PNPLA1: variants seen among roughly 807,000 people sequenced by gnomAD.
The protein encoded by PNPLA1 is omega-hydroxyceramide transacylase.
A neutral mutation model predicts 51.7 loss-of-function variants in PNPLA1; 36 were observed. The observed-to-expected ratio is 0.70, with a 90% confidence interval of 0.53 to 0.92. The LOEUF (loss-of-function observed/expected upper bound fraction) is 0.92. PNPLA1 is among the 40% of genes least tolerant of loss of function. The probability of loss-of-function intolerance (pLI) is 0.00; values close to 1 mark genes in which losing one functional copy is unlikely to be tolerated. For synonymous variants in PNPLA1, 293 were observed against 280.1 expected (o/e 1.05, Z -0.46); for missense variants, 658 against 682.5 (o/e 0.96, Z 0.40).
intron 8 of PNPLA1, chr6:36,308,193 A>G (rs1379678327): frequency 6.5e-6 from 1 of 152,698 alleles, no homozygotes; most frequent in Admixed American, 6.5e-5. Context: ...CCTGACCAAC[A>G]TGGTGAAACT....
chr6:36,277,650 G>A (rs1770147325), intron 1 of PNPLA1, among the ~76,000 whole-genome samples: 2 of 152,186 alleles, frequency 1.3e-5, no homozygotes, highest in South Asian at 2.1e-4. Flanking sequence ...AATTGCTTAA[G>A]GCCAAGAGTT....
At chr6:36,289,161 A>G (rs980358185) in intron 1 of PNPLA1, among the ~76,000 whole-genome samples, 20 of 152,212 alleles carry the variant, frequency 1.3e-4, no homozygotes, top group Non-Finnish European at 2.2e-4. Context: ...AAGTTTTTCC[A>G]CAATAAGCAT....
At chr6:36,272,782 C>G (rs1769959738) in intron 1 of PNPLA1, among the ~76,000 whole-genome samples, 1 of 152,292 alleles carries the variant, frequency 6.6e-6, no homozygotes, top group East Asian at 1.9e-4. Flanking sequence ...AGGGTGCCTT[C>G]CTGGCTGGGG....
chr6:36,270,719 C>A (rs533901704), intron 1 of PNPLA1, 55 bp downstream of exon 1: 2 of 1,534,406 alleles, frequency 1.3e-6, no homozygotes, highest in Admixed American at 2.0e-5. Flanking sequence ...TCCACAGAGA[C>A]AGAAGGAGCG....
chr6:36,296,372 C>T (rs538418984), intron 5 of PNPLA1, among the ~76,000 whole-genome samples: 2 of 152,352 alleles, frequency 1.3e-5, no homozygotes, highest in East Asian at 3.9e-4. Flanking sequence ...CCTAATGTTA[C>T]ATCAGAAGCA....
chr6:36,277,414 T>A (rs1770139494), intron 1 of PNPLA1, among the ~76,000 whole-genome samples: 1 of 152,200 alleles, frequency 6.6e-6, no homozygotes, highest in Non-Finnish European at 1.5e-5. Flanking sequence ...TGGGAGGCCA[T>A]GTGGCCAGCT....
rs1421516847 is a variant in PNPLA1 at position 36,294,169 on chromosome 6, T to C, written c.505-21T>C. 1 of 1,613,004 alleles carries C rather than the reference T, an allele frequency of 6.2e-7. No individual in the cohort carries two copies. The highest frequency in any genetic ancestry group is 8.5e-7 in the Non-Finnish European group (1 of 1,179,360). On this transcript the variant is annotated intron_variant, in intron 3 of 8. Transcript: ENST00000636260. This position sits in a 1 kb window ranked among gnomAD's most constrained non-coding sequence, Gnocchi z 4.2. ...TGAGAACTCTGGCCCCAAGTGGGCA[T>C]TTCTCACTCTGCCCCCACAGAGGTA...
intron 1 of PNPLA1, among the ~76,000 whole-genome samples, chr6:36,264,397 T>TA (rs1467422225): frequency 3.9e-5 from 6 of 152,166 alleles, no homozygotes; most frequent in South Asian, 2.1e-4. Context: ...TAACACCAAG[T>TA]AAAAACAGCA....
At chr6:36,305,833 ACT>A (rs1771216313) in intron 6 of PNPLA1, among the ~76,000 whole-genome samples, 1 of 129,106 alleles carries the variant, frequency 7.7e-6, no homozygotes, top group Non-Finnish European at 1.5e-5. Context: ...GGCTCACTGC[ACT>A]CTCAACTTTT....
In PNPLA1 at chr6:36,302,245, C is replaced by T; in HGVS notation, c.1160C>T (p.Ser387Leu). Reference protein sequence around the residue: ...VHKPPSSTPGSSLPTPPPGLS... With the variant: ...VHKPPSSTPGLSLPTPPPGLS... ...AAGCCACCCAGCTCCACACCTGGTT[C>T]ATCACTGCCCACCCCACCACCTGGA... The change falls in exon 6 of 9, where the codon TCA (serine) becomes TTA (leucine). Residue 387 changes from serine to leucine, a missense_variant. Transcript: ENST00000636260. 1.2e-6 allele frequency: 2 copies of T among 1,614,212 alleles called. No homozygotes were observed. Among genetic ancestry groups the T allele is most frequent in the Non-Finnish European group, 8.5e-7 (1 of 1,180,036 alleles).
Position 36,270,246 on chromosome 6 carries a change from C to A in PNPLA1, c.-214C>A, listed in dbSNP as rs1196341307. ...ATCTCATTCTGGGGCCCCTTTCCAA[C>A]CTTTGGAGTTGCCTCCTGGCGGAGC... is the stretch of plus-strand genomic sequence containing the variant. On this transcript the variant is annotated 5_prime_UTR_variant, in exon 1 of 9. Transcript: ENST00000636260. Among the ~76,000 whole-genome samples, 2 of 152,242 alleles carry A rather than the reference C, an allele frequency of 1.3e-5. No homozygotes were observed. Among genetic ancestry groups the A allele is most frequent in the African/African-American group, 4.8e-5 (2 of 41,460 alleles).
intron 1 of PNPLA1, among the ~76,000 whole-genome samples, chr6:36,244,872 A>G (rs2127306754): frequency 6.6e-6 from 1 of 152,348 alleles, no homozygotes; most frequent in African/African-American, 2.4e-5. Flanking sequence ...TGAGGCATTT[A>G]CTGCAGGGTG....
Position 36,302,069 on chromosome 6 carries a change from G to T in PNPLA1, c.984G>T (p.Val328=). The change falls in exon 6 of 9, where the codon GTG becomes GTT. Residue 328 remains valine, a synonymous_variant. Transcript: ENST00000636260. ...GAAGGGGCAGCCATGGTCCGCCTGT[G>T]TCCCAACCTGTGCAGACACTTGAAT... is the stretch of plus-strand genomic sequence containing the variant. ...GDGRGSHGPP[V]SQPVQTLEFT... is the part of the protein sequence containing the mutation. 1 of 1,614,140 alleles carries T rather than the reference G, an allele frequency of 6.2e-7. No homozygotes were observed. Among genetic ancestry groups the T allele is most frequent in the Non-Finnish European group, 8.5e-7 (1 of 1,180,014 alleles).
At position 36,255,686 on chromosome 6, in the gene PNPLA1, T is replaced by TA. The variant is rs10711951; in HGVS notation, c.-81+12440dup. 6.2e-4 allele frequency among the ~76,000 whole-genome samples: 92 copies of TA among 147,468 alleles called. 1 individual carries two copies. The highest frequency in any genetic ancestry group is 8.1e-4 in the Admixed American group (12 of 14,812). On this transcript the variant is annotated intron_variant, in intron 1 of 7. Transcript: ENST00000312917. ...TGAGCAACAAGAGTGAAACTCCGTC[T>TA]AAAAAAAAAAAAAAATCTAACTGAC... is the stretch of plus-strand genomic sequence containing the variant.
At position 36,291,568 on chromosome 6, in the gene PNPLA1, T is replaced by C; in HGVS notation, c.438+16T>C. ...GCTCATTGAGGCAAGGGGGCTGGGC[T>C]GGGAGGGAGGGACACGGAGGGGGCG... On this transcript the variant is annotated intron_variant, in intron 2 of 8. Coordinates refer to ENST00000636260, the MANE Select transcript of PNPLA1 (RefSeq NM_001374623.1). The C allele has an allele frequency of 4.6e-5, 4 of 86,362 alleles. No individual in the cohort carries two copies. Among genetic ancestry groups the C allele is most frequent in the African/African-American group, 3.2e-4 (1 of 3,090 alleles). 5.3% of individuals were successfully genotyped at this position (86,362 alleles called of 1,614,324 possible).
chr6:36,308,723 T>G (rs1412688305), intron 8 of PNPLA1: 10 of 152,184 alleles, frequency 6.6e-5, no homozygotes, highest in Admixed American at 6.5e-4. Context: ...GTCATCATAT[T>G]TTAAGTAAAG....
At chr6:36,284,072 G>A (rs1414182479) in intron 1 of PNPLA1, among the ~76,000 whole-genome samples, 1 of 152,224 alleles carries the variant, frequency 6.6e-6, no homozygotes, top group Non-Finnish European at 1.5e-5. Flanking sequence ...AGAACCTGCA[G>A]TGGGATGTTG....
At chr6:36,265,205 T>G (rs961319045), upstream of PNPLA1, among the ~76,000 whole-genome samples, 14 of 152,114 alleles carry the variant, frequency 9.2e-5, no homozygotes, top group East Asian at 3.9e-4. Flanking sequence ...GCTGGGCGTT[T>G]TGGCACATAC....
At chr6:36,259,216 G>A (rs998960321) in intron 1 of PNPLA1, among the ~76,000 whole-genome samples, 1 of 152,140 alleles carries the variant, frequency 6.6e-6, no homozygotes, top group African/African-American at 2.4e-5. Flanking sequence ...AAAATCCAAA[G>A]ACAAAGGGTC....
Sources: gnomAD v4.1 joint callset for allele counts (sites outside exome capture counted in the v4.1 genomes callset) on GRCh38, gnomAD v4.1.1 for gene constraint, Gnocchi (gnomAD v3.1) non-coding constraint, MANE v1.5 for transcripts, NCBI Gene and HGNC (gene_info 2026-07-23, HGNC 2026-07-21) for gene names.